The following APBB2 variants were observed in gnomAD, a reference collection of about 807,000 sequenced individuals.
APBB2 encodes the protein amyloid beta precursor protein binding family B member 2.
Under a neutral mutation model 82.5 loss-of-function variants are expected in APBB2, and 38 were observed. That is an observed-to-expected ratio of 0.46 (90% CI 0.36 to 0.60). The LOEUF is 0.60. Among genes scored for constraint, APBB2 ranks in the 20% least tolerant of loss-of-function variants. The pLI is 0.00. For missense variants in APBB2, 772 were observed against 972.3 expected, an observed-to-expected ratio of 0.79 and a Z score of 2.74; for synonymous variants, 341 against 368.2, an observed-to-expected ratio of 0.93 and a Z score of 0.85.
At chr4:40,889,376 C>T (rs1242435608) in intron 12 of APBB2, among the ~76,000 whole-genome samples, 2 of 152,220 alleles carry the variant, frequency 1.3e-5, no homozygotes, top group East Asian at 1.9e-4. Context: ...AGGTAGACAA[C>T]AACCCCATTA....
In APBB2 at chr4:40,822,555, A is replaced by G. The variant is rs543183123; in HGVS notation, c.1933-505T>C. 8 of 152,964 alleles carry G rather than the reference A, an allele frequency of 5.2e-5. No individual in the cohort carries two copies. The South Asian group carries it at 8.3e-4, about 16-fold the overall frequency. The allele number at this position is 152,964 out of a possible 1,614,324, so 9.5% of individuals were successfully genotyped here. ...CTGCCAAATCAACAAAAAGTTGTCA[A>G]ATTGTTTTTTTCTTTTCTCTCTTGC... On this transcript the variant is annotated intron_variant, in intron 16 of 17. Coordinates refer to ENST00000508593, the MANE Select transcript of APBB2 (RefSeq NM_004307.2).
At chr4:40,841,971 C>T (rs577886398) in intron 12 of APBB2, among the ~76,000 whole-genome samples, 12 of 152,358 alleles carry the variant, frequency 7.9e-5, no homozygotes, top group Admixed American at 2.0e-4. Context: ...TGAGCCACCA[C>T]GCCCGGCCAT....
intron 2 of APBB2, among the ~76,000 whole-genome samples, chr4:41,114,888 C>A (rs1356109175): frequency 1.3e-5 from 2 of 152,142 alleles, no homozygotes; most frequent in Non-Finnish European, 2.9e-5. Flanking sequence ...GTTAAAATGG[C>A]CATACTGCCC....
At chr4:41,168,202 G>C (rs187653011) in intron 1 of APBB2, among the ~76,000 whole-genome samples, 3,909 of 150,148 alleles carry the variant, frequency 0.026, 166 homozygotes, top group Non-Finnish European at 0.036. Context: ...CCGGGAGGCG[G>C]AGCCTGCAGT....
chr4:40,983,482 A>G (rs879498126), intron 6 of APBB2, among the ~76,000 whole-genome samples: 4 of 152,194 alleles, frequency 2.6e-5, no homozygotes, highest in Non-Finnish European at 5.9e-5. Context: ...AGGTAGGTAA[A>G]TATTATTTCT....
chr4:41,049,458 G>A (rs573744221), intron 4 of APBB2, among the ~76,000 whole-genome samples: 1 of 147,386 alleles, frequency 6.8e-6, no homozygotes, highest in South Asian at 2.1e-4. Context: ...CTCCGCGAGG[G>A]AGGTGGGGGG....
intron 3 of APBB2, among the ~76,000 whole-genome samples, chr4:41,080,431 C>T (rs931727368): frequency 6.6e-6 from 1 of 152,218 alleles, no homozygotes; most frequent in Non-Finnish European, 1.5e-5. Flanking sequence ...AAGAAAGTCT[C>T]TGTGGTGCCC....
chr4:40,880,038 AGT>A, intron 12 of APBB2: 1 of 985,370 alleles, frequency 1.0e-6, no homozygotes, highest in Non-Finnish European at 1.2e-6. Flanking sequence ...TAATAAAAAG[AGT>A]GTCACTGGGA....
At chr4:41,184,793 G>C (rs76043670) in intron 1 of APBB2, among the ~76,000 whole-genome samples, 6,417 of 152,272 alleles carry the variant, frequency 0.042, 152 homozygotes, top group African/African-American at 0.056. Context: ...TCCCAGGGTA[G>C]TCCACACCTC....
chr4:40,834,633 T>C (rs1753213427), intron 12 of APBB2, among the ~76,000 whole-genome samples: 1 of 151,998 alleles, frequency 6.6e-6, no homozygotes. Context: ...GATCCTGAGA[T>C]GGGGATGTTA....
Position 40,832,440 on chromosome 4 carries a change from T to C in APBB2, c.1530-1863A>G, listed in dbSNP as rs1250334196. 6.6e-6 allele frequency among the ~76,000 whole-genome samples: 1 copy of C among 152,022 alleles called. No homozygotes were observed. The highest frequency in any genetic ancestry group is 2.4e-5 in the African/African-American group (1 of 41,398). On this transcript the variant is annotated intron_variant, in intron 12 of 17. Coordinates refer to ENST00000508593, the MANE Select transcript of APBB2 (RefSeq NM_004307.2). This position sits in a 1 kb window ranked among gnomAD's most constrained non-coding sequence, Gnocchi z 4.8. The stretch of plus-strand genomic sequence containing the variant: ...CGGCAATCCACACATGACCCCAACA[T>C]TTCTCCTCCCAACCTACTCCTGCTT...
chr4:41,161,633 A>C (rs550438971), intron 1 of APBB2, among the ~76,000 whole-genome samples: 1 of 152,174 alleles, frequency 6.6e-6, no homozygotes, highest in South Asian at 2.1e-4. Flanking sequence ...AAAATAAAGT[A>C]CAACATTCCA....
chr4:41,204,131 AG>A (rs1309268026), intron 1 of APBB2, among the ~76,000 whole-genome samples: 2 of 152,224 alleles, frequency 1.3e-5, no homozygotes, highest in Non-Finnish European at 2.9e-5. Context: ...CAATGGCAAC[AG>A]GGGATAAAAG....
At chr4:40,981,673 T>C (rs568706870) in intron 6 of APBB2, among the ~76,000 whole-genome samples, 129 of 152,308 alleles carry the variant, frequency 8.5e-4, no homozygotes, top group African/African-American at 3.0e-3. Flanking sequence ...ACCATGATGA[T>C]GTACCTCATG....
At chr4:41,048,725 G>T (rs896673198) in intron 4 of APBB2, among the ~76,000 whole-genome samples, 1 of 145,604 alleles carries the variant, frequency 6.9e-6, no homozygotes, top group Admixed American at 6.9e-5. Flanking sequence ...GATGCCGAGC[G>T]GAAGCTGGAC....
At chr4:40,936,062 A>C (rs1175664125) in intron 7 of APBB2, among the ~76,000 whole-genome samples, 1 of 152,232 alleles carries the variant, frequency 6.6e-6, no homozygotes, top group African/African-American at 2.4e-5. Flanking sequence ...TGGTTAGGCA[A>C]ATCTGTTTGT....
intron 4 of APBB2, among the ~76,000 whole-genome samples, chr4:41,062,899 C>T (rs966773800): frequency 3.3e-5 from 5 of 152,188 alleles, no homozygotes; most frequent in African/African-American, 1.2e-4. Flanking sequence ...ACAGCACACA[C>T]CTCTGCAGCT....
intron 2 of APBB2, among the ~76,000 whole-genome samples, chr4:41,138,938 A>G (rs543842904): frequency 2.1e-4 from 32 of 152,196 alleles, no homozygotes; most frequent in Non-Finnish European, 4.1e-4. Context: ...TCTATACACT[A>G]GCTACAAATA....
At chr4:41,150,419 C>G (rs1321380362) in intron 1 of APBB2, among the ~76,000 whole-genome samples, 2 of 152,196 alleles carry the variant, frequency 1.3e-5, no homozygotes, top group Admixed American at 1.3e-4. Context: ...TAGAAAGAAG[C>G]TGGAAACAGT....
Sources: allele counts gnomAD v4.1 joint callset (sites outside exome capture counted in the v4.1 genomes callset), GRCh38; gene constraint gnomAD v4.1.1; non-coding constraint Gnocchi (gnomAD v3.1); transcripts MANE v1.5; gene names NCBI Gene and HGNC (gene_info 2026-07-23, HGNC 2026-07-21).